Variants in PTPRD observed in about 807,000 individuals in gnomAD.
PTPRD encodes receptor-type tyrosine-protein phosphatase delta.
PTPRD carries 34 observed loss-of-function variants against 214.5 expected under a neutral mutation model. The ratio of observed to expected loss-of-function variants is 0.16; its 90% CI spans 0.12 to 0.21. PTPRD has a LOEUF of 0.21. PTPRD is among the 10% of genes least tolerant of loss of function. The pLI is 1.00. For missense variants in PTPRD, 2,545 were observed against 2,398.7 expected, an observed-to-expected ratio of 1.06 and a Z score of -1.27; for synonymous variants, 1,128 against 845.7, an observed-to-expected ratio of 1.33 and a Z score of -5.79.
intron 2 of PTPRD, among the ~76,000 whole-genome samples, chr9:10,579,313 T>G (rs1161330485): frequency 6.6e-6 from 1 of 152,182 alleles, no homozygotes; most frequent in Non-Finnish European, 1.5e-5. Flanking sequence ...TGTTCCCATC[T>G]TTATGTCCAG....
At chr9:9,342,251 T>C (rs998046963) in intron 9 of PTPRD, among the ~76,000 whole-genome samples, 1 of 152,186 alleles carries the variant, frequency 6.6e-6, no homozygotes, top group African/African-American at 2.4e-5. Context: ...AACTCCCACA[T>C]GTAGTTTATT....
chr9:10,416,285 G>T (rs916718161), intron 2 of PTPRD, among the ~76,000 whole-genome samples: 1 of 151,890 alleles, frequency 6.6e-6, no homozygotes, highest in African/African-American at 2.4e-5. Flanking sequence ...TTGAACCTGG[G>T]AGGCAGAGTG....
intron 8 of PTPRD, among the ~76,000 whole-genome samples, chr9:9,445,619 G>T (rs1022152506): frequency 6.6e-6 from 1 of 152,168 alleles, no homozygotes; most frequent in East Asian, 1.9e-4. Context: ...AGCAAAGGGG[G>T]AAAATCCTCT....
At chr9:9,336,838 T>G (rs2044696979) in intron 9 of PTPRD, among the ~76,000 whole-genome samples, 1 of 152,298 alleles carries the variant, frequency 6.6e-6, no homozygotes, top group South Asian at 2.1e-4. Flanking sequence ...CTCATCTTTG[T>G]GATAGTTTAT....
At chr9:10,367,269 T>C (rs1242699179) in intron 2 of PTPRD, among the ~76,000 whole-genome samples, 1 of 152,140 alleles carries the variant, frequency 6.6e-6, no homozygotes, top group African/African-American at 2.4e-5. Context: ...TCCACTGTCT[T>C]TCTTACCTAA....
intron 5 of PTPRD, among the ~76,000 whole-genome samples, chr9:9,812,968 A>G (rs1462082005): frequency 6.6e-6 from 1 of 152,158 alleles, no homozygotes; most frequent in Non-Finnish European, 1.5e-5. Flanking sequence ...ATTGGTATCA[A>G]TCCAGTGGTA....
At chr9:10,383,102 G>T (rs12340291) in intron 2 of PTPRD, among the ~76,000 whole-genome samples, 23,942 of 151,764 alleles carry the variant, frequency 0.16, 2,397 homozygotes, top group East Asian at 0.49. Context: ...GAAACATATT[G>T]TGAACATATT....
chr9:9,048,852 G>A (rs551676315), intron 10 of PTPRD, among the ~76,000 whole-genome samples: 1 of 152,002 alleles, frequency 6.6e-6, no homozygotes, highest in Non-Finnish European at 1.5e-5. Context: ...ATGCTTGAGG[G>A]TATAGATACC....
intron 11 of PTPRD, among the ~76,000 whole-genome samples, chr9:8,811,629 C>CTT (rs575790950): frequency 1.3e-5 from 2 of 148,522 alleles, no homozygotes; most frequent in African/African-American, 4.9e-5. Context: ...CAAAGATGAA[C>CTT]TTTTTTTTTT....
intron 2 of PTPRD, among the ~76,000 whole-genome samples, chr9:10,454,468 T>C (rs2098889010): frequency 6.6e-6 from 1 of 151,736 alleles, no homozygotes; most frequent in Non-Finnish European, 1.5e-5. Flanking sequence ...CAAAAATATC[T>C]GTAGCAAGAC....
chr9:10,023,997 G>A (rs1357598655), intron 4 of PTPRD, among the ~76,000 whole-genome samples: 3 of 151,540 alleles, frequency 2.0e-5, no homozygotes, highest in African/African-American at 7.3e-5. Flanking sequence ...AAATTAAATA[G>A]CTTATTATTT....
chr9:10,221,964 C>T (rs924558240), intron 3 of PTPRD, among the ~76,000 whole-genome samples: 9 of 151,928 alleles, frequency 5.9e-5, no homozygotes, highest in South Asian at 2.1e-4. Context: ...AGGCTAACAA[C>T]ATTGCTCTTC....
At chr9:10,381,406 C>A (rs1339369702) in intron 2 of PTPRD, among the ~76,000 whole-genome samples, 1 of 151,998 alleles carries the variant, frequency 6.6e-6, no homozygotes, top group African/African-American at 2.4e-5. Flanking sequence ...AAGCCTTCAG[C>A]GGAGCACTTG....
At chr9:10,304,842 T>C (rs773935412) in intron 3 of PTPRD, among the ~76,000 whole-genome samples, 1 of 152,128 alleles carries the variant, frequency 6.6e-6, no homozygotes, top group Non-Finnish European at 1.5e-5. Context: ...CCAAAGTAAT[T>C]TATAGATTCA....
chr9:10,373,081 C>G (rs975939069), intron 2 of PTPRD, among the ~76,000 whole-genome samples: 1 of 150,998 alleles, frequency 6.6e-6, no homozygotes, highest in African/African-American at 2.4e-5. Flanking sequence ...GATCCGCCAG[C>G]CTTGGCCTCC....
chr9:10,535,548 T>G (rs1436117977), intron 2 of PTPRD, among the ~76,000 whole-genome samples: 2 of 152,140 alleles, frequency 1.3e-5, no homozygotes, highest in Non-Finnish European at 2.9e-5. Flanking sequence ...AAATGTATAC[T>G]GTTTCCCATA....
intron 3 of PTPRD, among the ~76,000 whole-genome samples, chr9:10,163,113 A>C (rs1036254379): frequency 3.3e-5 from 5 of 149,820 alleles, no homozygotes; most frequent in African/African-American, 1.2e-4. Flanking sequence ...ATTATTTTTT[A>C]TTTTTTAAAT....
chr9:8,823,926 T>A (rs934175647), intron 11 of PTPRD, among the ~76,000 whole-genome samples: 10 of 152,222 alleles, frequency 6.6e-5, no homozygotes, highest in Admixed American at 1.3e-4. Flanking sequence ...TATTTCTTGA[T>A]GATATGCTAA....
At chr9:9,626,073 C>G (rs896389248) in intron 7 of PTPRD, among the ~76,000 whole-genome samples, 2 of 152,066 alleles carry the variant, frequency 1.3e-5, no homozygotes, top group Non-Finnish European at 2.9e-5. Flanking sequence ...CAAAAACAGG[C>G]AAAGAACTGA....
Sources: gnomAD v4.1 joint callset for allele counts (sites outside exome capture counted in the v4.1 genomes callset) on GRCh38, gnomAD v4.1.1 for gene constraint, MANE v1.5 for transcripts, NCBI Gene and HGNC (gene_info 2026-07-23, HGNC 2026-07-21) for gene names.